HTR2B: variants seen among roughly 807,000 people sequenced by gnomAD.
HTR2B encodes 5-HT 2B receptor.
In HTR2B, 31 loss-of-function variants were observed where a neutral mutation model predicts 39.8. The ratio of observed to expected loss-of-function variants is 0.78; its 90% CI spans 0.58 to 1.05. HTR2B has a LOEUF of 1.05. Ranked by LOEUF, HTR2B falls within the 50% of genes least tolerant of loss-of-function variation. The pLI, the probability that HTR2B is intolerant of heterozygous loss-of-function variation, is 0.00. For missense variants in HTR2B, 562 were observed against 578.0 expected (o/e 0.97, Z 0.28); for synonymous variants, 210 against 207.1 (o/e 1.01, Z -0.12).
Position 231,109,245 on chromosome 2 carries a change from T to C in HTR2B, c.718A>G (p.Thr240Ala). The change falls in exon 4 of 4, where the codon ACT becomes GCT. Residue 240 changes from threonine to alanine, a missense_variant. Transcript: ENST00000258400. ...LAIMIVTYFL[T>A]IHALQKKAYL... The stretch of plus-strand genomic sequence containing the variant: ...GCCTTCTTCTGTAAAGCATGGATAG[T>C]GAGAAAGTAGGTGACAATCATAATT... 1 of 1,613,976 alleles carries C rather than the reference T, an allele frequency of 6.2e-7. No homozygotes were observed. Among genetic ancestry groups the C allele is most frequent in the Non-Finnish European group, 8.5e-7 (1 of 1,179,904 alleles).
chr2:231,112,673 A>G (rs1356605227), intron 3 of HTR2B, among the ~76,000 whole-genome samples: 1 of 152,136 alleles, frequency 6.6e-6, no homozygotes, highest in Non-Finnish European at 1.5e-5. Flanking sequence ...AATTTTTGCA[A>G]ATCTATTTGT....
chr2:231,112,670 G>C (rs1171854530), intron 3 of HTR2B, among the ~76,000 whole-genome samples: 1 of 152,036 alleles, frequency 6.6e-6, no homozygotes. Context: ...TGTAATTTTT[G>C]CAAATCTATT....
chr2:231,114,100 T>G (rs1695252428), intron 2 of HTR2B, among the ~76,000 whole-genome samples, 171 bp from the exon 3 acceptor site: 1 of 152,228 alleles, frequency 6.6e-6, no homozygotes, highest in South Asian at 2.1e-4. Context: ...AAATTCAATA[T>G]TTCTGTGGAT....
intron 2 of HTR2B, among the ~76,000 whole-genome samples, chr2:231,119,952 T>TC (rs1045094112): frequency 1.4e-5 from 2 of 139,330 alleles, no homozygotes; most frequent in African/African-American, 5.8e-5. Flanking sequence ...CCGTGTTACT[T>TC]TTTTTTTTTT....
rs146731940 is a variant in HTR2B, at chr2:231,108,764, C to T, written c.1199G>A (p.Arg400Gln). Reference sequence around the variant, plus strand: ...GAGAGTTTTTACTGACTTTGTGGCCCGGTAATTGCAGGTGATATATCGGCC... The same window carrying T: ...GAGAGTTTTTACTGACTTTGTGGCCTGGTAATTGCAGGTGATATATCGGCC... ...AFGRYITCNY[R>Q]ATKSVKTLRK... The change falls in exon 4 of 4, where the codon CGG (arginine) becomes CAG (glutamine). Residue 400 changes from arginine to glutamine, a missense_variant. Arg to Gln is a conservative substitution (Grantham distance 43). Coordinates refer to ENST00000258400, the MANE Select transcript of HTR2B (RefSeq NM_000867.5). 325 of 1,613,864 alleles carry T rather than the reference C, an allele frequency of 2.0e-4. No homozygotes were observed. The highest frequency in any genetic ancestry group is 2.5e-4 in the Non-Finnish European group (293 of 1,180,008).
chr2:231,111,174 T>C (rs1422630185), intron 3 of HTR2B, among the ~76,000 whole-genome samples: 1 of 152,210 alleles, frequency 6.6e-6, no homozygotes, highest in Non-Finnish European at 1.5e-5. Context: ...CTTAATTTTA[T>C]ATTTCTTGAA....
At chr2:231,111,908 G>T (rs957740894) in intron 3 of HTR2B, among the ~76,000 whole-genome samples, 8 of 152,156 alleles carry the variant, frequency 5.3e-5, no homozygotes, top group Admixed American at 3.3e-4. Flanking sequence ...TGAATGCAAA[G>T]ATTCTTTTTC....
intron 2 of HTR2B, among the ~76,000 whole-genome samples, chr2:231,115,242 G>A (rs765471950): frequency 2.6e-5 from 4 of 151,718 alleles, no homozygotes; most frequent in Non-Finnish European, 1.5e-5. Context: ...AGATTTGGCT[G>A]TTATTTTCAA....
Position 231,108,716 on chromosome 2 carries a change from T to C in HTR2B, c.1247A>G (p.Tyr416Cys). Residue 416 changes from tyrosine (Y) to cysteine (C), a missense_variant, in exon 4 of 4, where the codon TAC becomes TGC. Transcript: ENST00000258400. ...KTLRKRSSKIYFRNPMAENSK... is the reference protein window; with the variant it reads ...KTLRKRSSKICFRNPMAENSK... ...GTTCTCTGCCATTGGATTCCGGAAG[T>C]AGATCTTACTGGAGCGTTTTCTGAG... The C allele has an allele frequency of 6.2e-7, 1 of 1,614,162 alleles. No individual in the cohort carries two copies. The highest frequency in any genetic ancestry group is 8.5e-7 in the Non-Finnish European group (1 of 1,180,012).
chr2:231,113,695 G>C (rs1419284672), intron 3 of HTR2B, 34 bp downstream of exon 3: 6 of 1,581,846 alleles, frequency 3.8e-6, no homozygotes, highest in Non-Finnish European at 5.2e-6. Flanking sequence ...CAAAGATTTT[G>C]TATACCACCC....
Position 231,108,670 on chromosome 2 carries a change from A to G in HTR2B, c.1293T>C (p.His431=), listed in dbSNP as rs149277922. 4 of 1,614,130 alleles carry G rather than the reference A, an allele frequency of 2.5e-6. No individual in the cohort carries two copies. Among genetic ancestry groups the G allele is most frequent in the Middle Eastern group, 1.6e-4 (1 of 6,062 alleles). ...CAGGGTTAATCCCATTTCGAATTCCATGTTTCTTGAAAAACTTAGAGTTCT... is the reference window on the plus strand; with the variant it reads ...CAGGGTTAATCCCATTTCGAATTCCGTGTTTCTTGAAAAACTTAGAGTTCT... ...MAENSKFFKK[H]GIRNGINPAM... is the part of the protein sequence containing the mutation. Residue 431 remains histidine (H), a synonymous_variant, in exon 4 of 4, where the codon CAT becomes CAC. Transcript: ENST00000258400.
At chr2:231,110,316 T>C (rs1204388083) in intron 3 of HTR2B, among the ~76,000 whole-genome samples, 1 of 152,060 alleles carries the variant, frequency 6.6e-6, no homozygotes, top group Non-Finnish European at 1.5e-5. Flanking sequence ...TAAGACTCTG[T>C]CTCAAAAAAA....
chr2:231,124,204 C>T (rs549971639), intron 1 of HTR2B, 74 bp from the exon 2 acceptor site: 1 of 175,940 alleles, frequency 5.7e-6, no homozygotes, highest in South Asian at 1.2e-4. Context: ...ACTTCATAGC[C>T]CTTCCCTTCT....
intron 2 of HTR2B, among the ~76,000 whole-genome samples, chr2:231,118,076 GA>G (rs1301072940): frequency 6.6e-6 from 1 of 152,044 alleles, no homozygotes; most frequent in African/African-American, 2.4e-5. Flanking sequence ...TTGTAATCTT[GA>G]ACAGATTACT....
At position 231,108,656 on chromosome 2, in the gene HTR2B, C is replaced by T. The variant is rs1204810611; in HGVS notation, c.1307G>A (p.Gly436Glu). ...KFFKKHGIRNGINPAMYQSPM... is the reference protein window; with the variant it reads ...KFFKKHGIRNEINPAMYQSPM... ...ACTCTGGTACATGGCAGGGTTAATC[C>T]CATTTCGAATTCCATGTTTCTTGAA... Residue 436 changes from glycine to glutamate, a missense_variant, in exon 4 of 4, where the codon GGG becomes GAG. Gly to Glu is a moderately conservative substitution (Grantham distance 98, BLOSUM62 -2). Transcript: ENST00000258400. The T allele has an allele frequency of 6.2e-7, 1 of 1,613,840 alleles. No homozygotes were observed. The highest frequency in any genetic ancestry group is 1.3e-5 in the African/African-American group (1 of 74,872).
intron 3 of HTR2B, among the ~76,000 whole-genome samples, chr2:231,109,829 T>C (rs1416830293): frequency 1.3e-5 from 2 of 152,232 alleles, no homozygotes; most frequent in South Asian, 2.1e-4. Flanking sequence ...GTACATTTAT[T>C]CAATATCTTT....
At chr2:231,111,884 A>G (rs1172209734) in intron 3 of HTR2B, among the ~76,000 whole-genome samples, 13 of 152,100 alleles carry the variant, frequency 8.5e-5, no homozygotes, top group Non-Finnish European at 1.5e-4. Context: ...ATTTGTTTAT[A>G]TGTCCGCCTT....
rs1474195411 is a variant in HTR2B, at chr2:231,109,094, T to G, written c.869A>C (p.Asp290Ala). 1.9e-6 allele frequency: 3 copies of G among 1,614,210 alleles called. No individual in the cohort carries two copies. The Admixed American group carries it at 5.0e-5, about 27-fold the overall frequency. ...ATCACCTGAGTTGGGCAGAGCCTTG[T>G]CCTTTCGAGAACCATCCAGCATTGC... ...KVAMLDGSRK[D>A]KALPNSGDET... The change falls in exon 4 of 4, where the codon GAC becomes GCC. Residue 290 changes from aspartate (D) to alanine (A), a missense_variant. By Grantham distance (126) the Asp-to-Ala change is moderately radical (BLOSUM62 -2). Coordinates refer to ENST00000258400, the MANE Select transcript of HTR2B (RefSeq NM_000867.5).
In HTR2B at chr2:231,114,027, C is replaced by T. The variant is rs992771113; in HGVS notation, c.353-98G>A. On this transcript the variant is annotated intron_variant, in intron 2 of 3. Transcript: ENST00000258400. Reference sequence around the variant, plus strand: ...GATACATCTTTTGTCTTTTTTGTTACTCATCTGAAATTTTATAACTTTAAC... The same window carrying T: ...GATACATCTTTTGTCTTTTTTGTTATTCATCTGAAATTTTATAACTTTAAC... The T allele has an allele frequency of 9.8e-6, 9 of 920,110 alleles. No individual in the cohort carries two copies. In the Middle Eastern group the frequency reaches 6.7e-4, roughly 68 times the overall value. 57.0% of individuals were successfully genotyped at this position (920,110 alleles called of 1,614,324 possible). A position where few individuals can be genotyped will look rare whatever the true frequency, so the allele number is the denominator to read the frequency against.
Sources: gnomAD v4.1 joint callset for allele counts (sites outside exome capture counted in the v4.1 genomes callset) on GRCh38, gnomAD v4.1.1 for gene constraint, MANE v1.5 for transcripts, NCBI Gene and HGNC (gene_info 2026-07-23, HGNC 2026-07-21) for gene names.